KAZN: variants seen among roughly 807,000 people sequenced by gnomAD.
KAZN encodes the protein kazrin, periplakin interacting protein, also known as kazrin.
KAZN carries 40 observed loss-of-function variants against 87.4 expected under a neutral mutation model. The ratio of observed to expected loss-of-function variants is 0.46; its 90% CI spans 0.36 to 0.60. KAZN has a LOEUF of 0.60. KAZN is among the 20% of genes least tolerant of loss of function. The pLI, the probability that KAZN is intolerant of heterozygous loss-of-function variation, is 0.00. For synonymous variants in KAZN, 466 were observed against 458.3 expected, an observed-to-expected ratio of 1.02 and a Z score of -0.22; for missense variants, 898 against 1,073.9, an observed-to-expected ratio of 0.84 and a Z score of 2.29.
chr1:14,755,242 G>GTTGTT (rs1557456161), intron 1 of KAZN, among the ~76,000 whole-genome samples: 1 of 152,114 alleles, frequency 6.6e-6, no homozygotes, highest in Non-Finnish European at 1.5e-5. Context: ...AACAGAGTAA[G>GTTGTT]ACCCTGTCTC....
intron 2 of KAZN, among the ~76,000 whole-genome samples, chr1:14,242,975 T>C (rs1340221129): frequency 6.6e-6 from 1 of 152,228 alleles, no homozygotes; most frequent in Non-Finnish European, 1.5e-5. Context: ...TCTTCTCTGA[T>C]GATTTCGAAT....
At chr1:14,408,238 T>C (rs905172007) in intron 2 of KAZN, among the ~76,000 whole-genome samples, 26 of 152,254 alleles carry the variant, frequency 1.7e-4, no homozygotes, top group African/African-American at 5.8e-4. Flanking sequence ...GGAAAGAATT[T>C]AGGCCCATGA....
chr1:14,141,909 A>C (rs1645248267), intron 1 of KAZN, among the ~76,000 whole-genome samples: 2 of 152,148 alleles, frequency 1.3e-5, no homozygotes, highest in Non-Finnish European at 1.5e-5. Flanking sequence ...GATGCTATTC[A>C]GTTTGAGGTT....
At chr1:14,490,763 A>T (rs1427565518) in intron 2 of KAZN, among the ~76,000 whole-genome samples, 1 of 151,810 alleles carries the variant, frequency 6.6e-6, no homozygotes, top group African/African-American at 2.4e-5. Context: ...TTTGCATTCT[A>T]AAAGATTTTT....
intron 1 of KAZN, among the ~76,000 whole-genome samples, chr1:14,007,049 C>T (rs1640067609): frequency 6.6e-6 from 1 of 152,104 alleles, no homozygotes; most frequent in African/African-American, 2.4e-5. Flanking sequence ...TCTTTCACCT[C>T]CTTGATTACA....
intron 2 of KAZN, among the ~76,000 whole-genome samples, chr1:14,538,424 A>G (rs1672622442): frequency 6.6e-6 from 1 of 152,184 alleles, no homozygotes; most frequent in African/African-American, 2.4e-5. Context: ...ATAGAAATGT[A>G]TTTTCTTACA....
intron 1 of KAZN, among the ~76,000 whole-genome samples, chr1:14,864,039 G>A (rs1237742159): frequency 1.3e-5 from 2 of 152,190 alleles, no homozygotes; most frequent in East Asian, 1.9e-4. Flanking sequence ...TTATGAGCCA[G>A]GCATGGGTCA....
chr1:14,776,542 G>C (rs16850836), intron 1 of KAZN, among the ~76,000 whole-genome samples: 3,323 of 152,242 alleles, frequency 0.022, 120 homozygotes, highest in African/African-American at 0.075. Flanking sequence ...TTAAGGTGCT[G>C]TCCGAGATGT....
intron 2 of KAZN, among the ~76,000 whole-genome samples, chr1:14,227,684 C>T (rs1395518150): frequency 6.6e-6 from 1 of 152,180 alleles, no homozygotes; most frequent in Middle Eastern, 3.2e-3. Flanking sequence ...ACAGAGCCCA[C>T]CTCTTGATGA....
intron 1 of KAZN, among the ~76,000 whole-genome samples, chr1:14,802,214 T>C (rs1646055690): frequency 6.6e-6 from 1 of 152,010 alleles, no homozygotes; most frequent in South Asian, 2.1e-4. Flanking sequence ...GAGACCACCA[T>C]GGCCAACATG....
chr1:14,893,581 G>A (rs952846540), intron 1 of KAZN, among the ~76,000 whole-genome samples: 2 of 151,642 alleles, frequency 1.3e-5, no homozygotes, highest in Admixed American at 6.6e-5. Flanking sequence ...TGGCCCCCTC[G>A]CCTTTACTGC....
chr1:14,221,369 C>T (rs1274953830), intron 2 of KAZN, among the ~76,000 whole-genome samples: 2 of 152,110 alleles, frequency 1.3e-5, no homozygotes, highest in African/African-American at 4.8e-5. Context: ...TAACATTATA[C>T]AGGTTTCCAT....
chr1:14,341,720 C>G (rs1407968807), intron 2 of KAZN, among the ~76,000 whole-genome samples: 1 of 152,166 alleles, frequency 6.6e-6, no homozygotes, highest in East Asian at 1.9e-4. Flanking sequence ...CTGCCCACTT[C>G]CCAACCAACA....
At chr1:14,790,104 G>A (rs1202694116) in intron 1 of KAZN, among the ~76,000 whole-genome samples, 1 of 151,928 alleles carries the variant, frequency 6.6e-6, no homozygotes, top group Non-Finnish European at 1.5e-5. Flanking sequence ...CCAGGTTCAA[G>A]CAATTCTCCT....
chr1:14,686,354 C>T (rs1285863550), intron 1 of KAZN, among the ~76,000 whole-genome samples: 2 of 152,208 alleles, frequency 1.3e-5, no homozygotes, highest in African/African-American at 4.8e-5. Context: ...TGAGCCACCA[C>T]GCCCAGCCCA....
intron 1 of KAZN, among the ~76,000 whole-genome samples, chr1:14,957,333 G>C: frequency 6.6e-6 from 1 of 152,222 alleles, no homozygotes; most frequent in East Asian, 1.9e-4. Context: ...CAGTGCCCCC[G>C]TGCCTAGAGC....
At chr1:14,196,970 C>A (rs1178101460) in intron 2 of KAZN, among the ~76,000 whole-genome samples, 1 of 151,962 alleles carries the variant, frequency 6.6e-6, no homozygotes, top group African/African-American at 2.4e-5. Context: ...CCTTTGTGAG[C>A]AATTCTGCTG....
chr1:15,058,137 T>C (rs1206371009), intron 5 of KAZN, among the ~76,000 whole-genome samples: 2 of 152,218 alleles, frequency 1.3e-5, no homozygotes, highest in Non-Finnish European at 2.9e-5. Context: ...GGTTTGCTGT[T>C]GATGCATTTG....
chr1:14,878,309 G>C (rs186407228), intron 1 of KAZN, among the ~76,000 whole-genome samples: 6 of 150,412 alleles, frequency 4.0e-5, no homozygotes, highest in African/African-American at 1.5e-4. Context: ...CAGTTCTTTG[G>C]GGGGGTGGCT....
Sources: allele counts gnomAD v4.1 joint callset (sites outside exome capture counted in the v4.1 genomes callset), GRCh38; gene constraint gnomAD v4.1.1; transcripts MANE v1.5; gene names NCBI Gene and HGNC (gene_info 2026-07-23, HGNC 2026-07-21).